Variants in ARK2C observed in about 807,000 individuals in gnomAD.
ARK2C encodes arkadia (RNF111) C-terminal like ring finger ubiquitin ligase 2C.
At chr18:46,406,368 C>A in the ARK2C span, among the ~76,000 whole-genome samples, 1 of 152,212 alleles carries the variant, frequency 6.6e-6, no homozygotes, top group Admixed American at 6.5e-5. Context: ...ACTGCCATTG[C>A]CCTGTGGGTG....
chr18:46,383,676 TC>T, the ARK2C span, among the ~76,000 whole-genome samples: 12 of 148,382 alleles, frequency 8.1e-5, no homozygotes, highest in Non-Finnish European at 1.6e-4. Flanking sequence ...TGCCTCAGCC[TC>T]CCGAGTAGCT....
chr18:46,347,194 C>T, the ARK2C span, among the ~76,000 whole-genome samples: 1 of 152,206 alleles, frequency 6.6e-6, no homozygotes, highest in East Asian at 1.9e-4. Context: ...CTGCTCCCTG[C>T]GCCTCTCCCA....
At chr18:46,451,687 C>G in the ARK2C span, among the ~76,000 whole-genome samples, 7,556 of 152,206 alleles carry the variant, frequency 0.05, 269 homozygotes, top group Non-Finnish European at 0.072. Flanking sequence ...AACTTGTAGT[C>G]CTAGTTACTA....
chr18:46,354,899 T>C, the ARK2C span, among the ~76,000 whole-genome samples: 2 of 152,186 alleles, frequency 1.3e-5, no homozygotes, highest in African/African-American at 2.4e-5. Flanking sequence ...TTGTGATTTA[T>C]GAGACCTAGA....
the ARK2C span, among the ~76,000 whole-genome samples, chr18:46,402,495 A>G: frequency 3.3e-5 from 5 of 152,132 alleles, no homozygotes; most frequent in Admixed American, 3.3e-4. Flanking sequence ...TTCCACTTTA[A>G]CTGGGCTTTC....
the ARK2C span, among the ~76,000 whole-genome samples, chr18:46,423,208 A>G: frequency 1.5e-4 from 23 of 152,268 alleles, no homozygotes; most frequent in African/African-American, 5.5e-4. Flanking sequence ...GAAGCACCCA[A>G]GGGCCTGGAA....
chr18:46,410,285 T>A, the ARK2C span, among the ~76,000 whole-genome samples: 3 of 152,156 alleles, frequency 2.0e-5, no homozygotes, highest in Non-Finnish European at 2.9e-5. Context: ...CTATCCCTAA[T>A]AAGAGAGAGA....
the ARK2C span, among the ~76,000 whole-genome samples, chr18:46,453,101 G>A: frequency 6.6e-6 from 1 of 151,922 alleles, no homozygotes; most frequent in South Asian, 2.1e-4. Context: ...GTCAAAGACT[G>A]TGAATCAGTA....
At chr18:46,438,011 A>T in the ARK2C span, among the ~76,000 whole-genome samples, 3 of 152,228 alleles carry the variant, frequency 2.0e-5, no homozygotes, top group Non-Finnish European at 2.9e-5. Flanking sequence ...TGGCACTCGT[A>T]GGGCCAGATT....
the ARK2C span, among the ~76,000 whole-genome samples, chr18:46,438,624 A>G: frequency 6.6e-6 from 1 of 152,166 alleles, no homozygotes; most frequent in Admixed American, 6.5e-5. Context: ...AGGGTGTGAA[A>G]CCCTGATGGT....
At chr18:46,396,938 G>C in the ARK2C span, among the ~76,000 whole-genome samples, 2 of 152,230 alleles carry the variant, frequency 1.3e-5, no homozygotes, top group Admixed American at 6.5e-5. Flanking sequence ...TGGGCAGCCT[G>C]GGGGGTTCCC....
chr18:46,435,415 TG>T, the ARK2C span: 1 of 1,575,458 alleles, frequency 6.3e-7, no homozygotes, highest in South Asian at 1.1e-5. Context: ...TCAGGGCCCC[TG>T]GGGGAGGAAG....
chr18:46,446,296 A>G, the ARK2C span, among the ~76,000 whole-genome samples: 1 of 152,222 alleles, frequency 6.6e-6, no homozygotes, highest in South Asian at 2.1e-4. Context: ...TACAAAGAGA[A>G]ATTTCCACTC....
chr18:46,338,345 C>A, the ARK2C span, among the ~76,000 whole-genome samples: 2 of 152,218 alleles, frequency 1.3e-5, no homozygotes, highest in Non-Finnish European at 2.9e-5. Flanking sequence ...GCCACTCCCA[C>A]CCCTATCCAG....
the ARK2C span, among the ~76,000 whole-genome samples, chr18:46,416,033 T>C: frequency 4.7e-4 from 71 of 152,316 alleles, no homozygotes; most frequent in Admixed American, 1.0e-3. Context: ...CTGACTTTGC[T>C]GCTGGCATTT....
the ARK2C span, among the ~76,000 whole-genome samples, chr18:46,446,627 C>G: frequency 1.5e-5 from 2 of 137,224 alleles, no homozygotes; most frequent in African/African-American, 5.6e-5. Flanking sequence ...GCCGAGATCG[C>G]ACCACTGCAC....
At chr18:46,419,911 C>A in the ARK2C span, among the ~76,000 whole-genome samples, 2 of 152,172 alleles carry the variant, frequency 1.3e-5, no homozygotes, top group Non-Finnish European at 2.9e-5. Context: ...TTCCTGTCTT[C>A]CTTTCTCATG....
the ARK2C span, among the ~76,000 whole-genome samples, chr18:46,397,489 G>GGTGT: frequency 6.0e-3 from 610 of 101,910 alleles, 18 homozygotes; most frequent in African/African-American, 0.018. Context: ...GAGGTGTGAG[G>GGTGT]GTGTGTGTGT....
chr18:46,411,769 G>C, the ARK2C span, among the ~76,000 whole-genome samples: 10 of 152,202 alleles, frequency 6.6e-5, no homozygotes, highest in African/African-American at 2.4e-4. Flanking sequence ...GTGAACAAAA[G>C]GGGGACTCCA....
Sources: allele counts gnomAD v4.1 joint callset (sites outside exome capture counted in the v4.1 genomes callset), GRCh38; gene constraint gnomAD v4.1.1; transcripts MANE v1.5; gene names NCBI Gene and HGNC (gene_info 2026-07-23, HGNC 2026-07-21).